Variants in TNIK observed in about 807,000 individuals in gnomAD.
TNIK encodes TRAF2 and NCK-interacting protein kinase.
In TNIK, 49 loss-of-function variants were observed where a neutral mutation model predicts 191.3. The ratio of observed to expected loss-of-function variants is 0.26; its 90% CI spans 0.20 to 0.32. TNIK has a LOEUF of 0.32. TNIK is among the 10% of genes least tolerant of loss of function. TNIK has a pLI of 1.00. For synonymous variants in TNIK, 594 were observed against 600.9 expected (o/e 0.99, Z 0.17); for missense variants, 1,155 against 1,702.3 (o/e 0.68, Z 5.66).
At chr3:171,448,862 C>A (rs996450068) in intron 1 of TNIK, among the ~76,000 whole-genome samples, 1 of 152,144 alleles carries the variant, frequency 6.6e-6, no homozygotes, top group Non-Finnish European at 1.5e-5. Context: ...ATCAACCCAT[C>A]ATATACATTA....
At chr3:171,066,084 C>T in intron 32 of TNIK, 103 bp downstream of exon 32, 2 of 1,437,556 alleles carry the variant, frequency 1.4e-6, no homozygotes, top group Non-Finnish European at 1.9e-6. Flanking sequence ...GATTGTTTAA[C>T]ACAGATGTGA....
rs543926292 is a variant in TNIK at position 171,086,019 on chromosome 3, C to T, written c.2887-790G>A. On this transcript the variant is annotated intron_variant, in intron 24 of 32. Transcript: ENST00000436636. ...CACAATATTCTAAATTTGAGTTTTG[C>T]TGAATAAGCTGCAATGTCAGTCATG... 2.5e-3 allele frequency among the ~76,000 whole-genome samples: 380 copies of T among 152,272 alleles called. 2 individuals are homozygous for T. The highest frequency in any genetic ancestry group is 4.5e-3 in the Non-Finnish European group (305 of 68,024).
At chr3:171,081,826 A>G (rs560765692) in intron 27 of TNIK, among the ~76,000 whole-genome samples, 2 of 152,056 alleles carry the variant, frequency 1.3e-5, no homozygotes, top group East Asian at 3.9e-4. Context: ...CTGCCAAAAC[A>G]TCAGTGGGCT....
Position 171,128,723 on chromosome 3 carries a change from G to A in TNIK, c.1764C>T (p.Val588=), listed in dbSNP as rs766647259. 3.1e-6 allele frequency: 5 copies of A among 1,611,414 alleles called. No homozygotes were observed. Among genetic ancestry groups the A allele is most frequent in the Admixed American group, 1.7e-5 (1 of 59,514 alleles). Reference sequence around the variant, plus strand: ...TGGAGGCAGACTGTACCTGGGGATCGACTGGTCTGAGCATGGGGGGTGTTC... The same window carrying A: ...TGGAGGCAGACTGTACCTGGGGATCAACTGGTCTGAGCATGGGGGGTGTTC... ...PARTPPMLRP[V]DPQIPHLVAV... is the part of the protein sequence containing the mutation. Residue 588 remains valine (V), a synonymous_variant, in exon 16 of 33, where the codon GTC becomes GTT. Transcript: ENST00000436636.
rs577323573 is a variant in TNIK, at chr3:171,429,245, A to T, written c.57+30762T>A. On this transcript the variant is annotated intron_variant, in intron 1 of 32. Transcript: ENST00000436636. ...TTAAGGGTATCATGATCCCCAAATA[A>T]GAACTTTCACCTCTTCAAGCCTAGG... 2.4e-4 allele frequency among the ~76,000 whole-genome samples: 36 copies of T among 152,346 alleles called. No individual in the cohort carries two copies. The South Asian group carries it at 7.5e-3, about 32-fold the overall frequency.
At chr3:171,380,908 T>C (rs546387526) in intron 1 of TNIK, among the ~76,000 whole-genome samples, 8 of 152,218 alleles carry the variant, frequency 5.3e-5, no homozygotes, top group Non-Finnish European at 8.8e-5. Context: ...AGCCCAATAA[T>C]AGCTACCTGG....
chr3:171,213,330 G>A (rs1741076177), intron 3 of TNIK, among the ~76,000 whole-genome samples: 1 of 152,152 alleles, frequency 6.6e-6, no homozygotes, highest in South Asian at 2.1e-4. Context: ...GTTTCTGTGG[G>A]CAGCACAGCA....
chr3:171,141,937 C>T (rs561570174), intron 12 of TNIK, among the ~76,000 whole-genome samples: 2 of 152,346 alleles, frequency 1.3e-5, no homozygotes, highest in African/African-American at 4.8e-5. Flanking sequence ...TAGCTCTACA[C>T]AACCAGGGAG....
At chr3:171,344,626 T>C (rs1711864764) in intron 2 of TNIK, among the ~76,000 whole-genome samples, 1 of 152,144 alleles carries the variant, frequency 6.6e-6, no homozygotes, top group Non-Finnish European at 1.5e-5. Context: ...GGCTAAGTTC[T>C]ATAAACATTG....
intron 1 of TNIK, among the ~76,000 whole-genome samples, chr3:171,437,751 TG>T (rs1237442345): frequency 3.3e-5 from 5 of 152,254 alleles, no homozygotes; most frequent in Admixed American, 6.5e-5. Context: ...GCCAAGGCCA[TG>T]TTTGAACTTC....
At chr3:171,123,511 A>G in intron 18 of TNIK, 85 bp downstream of exon 18, 10 of 1,170,426 alleles carry the variant, frequency 8.5e-6, no homozygotes, top group Non-Finnish European at 1.1e-5. Context: ...GAAGAGAAAA[A>G]AGAACACAGG....
At chr3:171,389,700 T>C (rs952743933) in intron 1 of TNIK, among the ~76,000 whole-genome samples, 4 of 152,198 alleles carry the variant, frequency 2.6e-5, no homozygotes, top group African/African-American at 7.2e-5. Context: ...CATTTGCCAA[T>C]GTTTGTGTTA....
At chr3:171,129,893 C>A (rs1290294977) in intron 15 of TNIK, among the ~76,000 whole-genome samples, 2 of 152,212 alleles carry the variant, frequency 1.3e-5, no homozygotes, top group Non-Finnish European at 2.9e-5. Flanking sequence ...CTTCAAGAAG[C>A]CTATGACTTT....
In TNIK at chr3:171,110,862, C is replaced by T. The variant is rs369613625; in HGVS notation, c.2136G>A (p.Arg712=). The change falls in exon 19 of 33, where the codon CGG becomes CGA. Residue 712 remains arginine, a synonymous_variant. Coordinates refer to ENST00000436636, the MANE Select transcript of TNIK (RefSeq NM_015028.4). ...QPIRASNPDL[R]RTEPILESPL... ...GGCTCTCCAAGATGGGCTCAGTTCT[C>T]CGGAGATCAGGGTTGCTGTGTGAGT... The T allele has an allele frequency of 4.0e-4, 635 of 1,603,374 alleles. 1 individual carries two copies. The highest frequency in any genetic ancestry group is 5.1e-4 in the Non-Finnish European group (599 of 1,175,728).
At chr3:171,078,815 G>A (rs1428657748) in intron 28 of TNIK, among the ~76,000 whole-genome samples, 3 of 152,154 alleles carry the variant, frequency 2.0e-5, no homozygotes, top group Non-Finnish European at 2.9e-5. Flanking sequence ...TTCCCAGGGA[G>A]TATAGGCATG....
rs776559542 is a variant in TNIK, at chr3:171,140,497, C to T, written c.1234G>A (p.Glu412Lys). Residue 412 changes from glutamate (E) to lysine (K), a missense_variant, in exon 13 of 33, where the codon GAG becomes AAG. By Grantham distance (56) the Glu-to-Lys change is moderately conservative. Transcript: ENST00000436636. The stretch of plus-strand genomic sequence containing the variant: ...TCCTGCTGCTTCCGCAGCTCCTTCT[C>T]TCGCCTTTGTTGCTGTGGGGCAACA... ...RRRLEEQQRR[E>K]KELRKQQERE... is the part of the protein sequence containing the mutation. The T allele has an allele frequency of 1.2e-6, 2 of 1,613,418 alleles. No individual in the cohort carries two copies. Among genetic ancestry groups the T allele is most frequent in the Non-Finnish European group, 1.7e-6 (2 of 1,179,806 alleles).
At chr3:171,363,782 T>C (rs1210987350) in intron 2 of TNIK, among the ~76,000 whole-genome samples, 2 of 152,236 alleles carry the variant, frequency 1.3e-5, no homozygotes, top group African/African-American at 4.8e-5. Flanking sequence ...GATTTTGCTA[T>C]ATAAGGTCAG....
chr3:171,065,394 A>C (rs543389303), intron 32 of TNIK, among the ~76,000 whole-genome samples: 1 of 152,334 alleles, frequency 6.6e-6, no homozygotes, highest in Admixed American at 6.5e-5. Flanking sequence ...GGGGTGGACA[A>C]AGGGATATAC....
chr3:171,312,135 AAAAAAAGG>A (rs1754098712), intron 2 of TNIK, among the ~76,000 whole-genome samples: 1 of 124,746 alleles, frequency 8.0e-6, no homozygotes, highest in African/African-American at 3.4e-5. Flanking sequence ...AAAAAAAAAA[AAAAAAAGG>A]GCTAGACTGG....
Sources: allele counts gnomAD v4.1 joint callset (sites outside exome capture counted in the v4.1 genomes callset), GRCh38; gene constraint gnomAD v4.1.1; transcripts MANE v1.5; gene names NCBI Gene and HGNC (gene_info 2026-07-23, HGNC 2026-07-21).